Variants in CCDC146 observed in about 807,000 individuals in gnomAD.
CCDC146 encodes coiled-coil domain-containing protein 146.
CCDC146 carries 92 observed loss-of-function variants against 119.3 expected under a neutral mutation model. The ratio of observed to expected loss-of-function variants is 0.77; its 90% CI spans 0.65 to 0.92. CCDC146 has a LOEUF of 0.92. Ranked by LOEUF, CCDC146 falls within the 40% of genes least tolerant of loss-of-function variation. The pLI, the probability that CCDC146 is intolerant of heterozygous loss-of-function variation, is 0.00. For synonymous variants in CCDC146, 372 were observed against 371.8 expected, an observed-to-expected ratio of 1.00 and a Z score of -0.01; for missense variants, 1,000 against 1,103.0, an observed-to-expected ratio of 0.91 and a Z score of 1.32.
In CCDC146 at chr7:77,282,789, G is replaced by A. The variant is rs1477402529; in HGVS notation, c.2148+4G>A. 3.7e-6 allele frequency: 6 copies of A among 1,605,352 alleles called. No homozygotes were observed. Among genetic ancestry groups the A allele is most frequent in the Non-Finnish European group, 4.3e-6 (5 of 1,172,454 alleles). ...CCTAGCTGTGCTCCAAATTCAGGTG[G>A]GTGAGTGATCACGGGACACTTCCTC... On this transcript the variant is annotated splice_donor_region_variant and intron_variant, in intron 15 of 18. Coordinates refer to ENST00000285871, the MANE Select transcript of CCDC146 (RefSeq NM_020879.3).
At chr7:77,264,899 A>G (rs57954141) in intron 9 of CCDC146, among the ~76,000 whole-genome samples, 14,112 of 152,202 alleles carry the variant, frequency 0.093, 1,215 homozygotes, top group East Asian at 0.42. Context: ...GAAGATTACA[A>G]CAGTCATCTT....
intron 17 of CCDC146, among the ~76,000 whole-genome samples, chr7:77,291,881 C>T (rs1793950033): frequency 6.6e-6 from 1 of 152,234 alleles, no homozygotes; most frequent in African/African-American, 2.4e-5. Context: ...AAAGTCATTT[C>T]AGATGCAGAA....
At chr7:77,144,848 T>C (rs1790990572) in intron 1 of CCDC146, among the ~76,000 whole-genome samples, 1 of 151,842 alleles carries the variant, frequency 6.6e-6, no homozygotes. Context: ...TTTTCATCGA[T>C]GTTCATCAGG....
Position 77,241,813 on chromosome 7 carries a change from C to G in CCDC146, c.362C>G (p.Ser121Cys). 2 of 1,613,928 alleles carry G rather than the reference C, an allele frequency of 1.2e-6. No homozygotes were observed. Among genetic ancestry groups the G allele is most frequent in the Non-Finnish European group, 1.7e-6 (2 of 1,179,984 alleles). Residue 121 changes from serine (S) to cysteine (C), a missense_variant, in exon 4 of 19, where the codon TCC becomes TGC. Physicochemically the swap from Ser to Cys is moderately radical, Grantham distance 112 (BLOSUM62 -1). Transcript: ENST00000285871. ...NFPEAFSTEV[S>C]KMREQLLKYQ... ...CCAGAAGCATTCTCCACGGAGGTCT[C>G]CAAAATGAGAGAACAACTTCTCAAG...
chr7:77,242,477 G>A (rs149330011), intron 4 of CCDC146: 71 of 698,574 alleles, frequency 1.0e-4, no homozygotes, highest in South Asian at 8.4e-4. Context: ...TTTAGAGGAC[G>A]TCATTTAGTG....
chr7:77,282,597 T>G lies in CCDC146; in HGVS notation c.1960T>G (p.Phe654Val). 1 of 1,612,172 alleles carries G rather than the reference T, an allele frequency of 6.2e-7. No homozygotes were observed. The highest frequency in any genetic ancestry group is 8.5e-7 in the Non-Finnish European group (1 of 1,179,152). ...AGAGCGGGAAGAAGAAATATGCATTTTTTATGAAAAAATAAATATCCAAGA... is the reference window on the plus strand; with the variant it reads ...AGAGCGGGAAGAAGAAATATGCATTGTTTATGAAAAAATAAATATCCAAGA... ...LIEREEEICI[F>V]YEKINIQEKM... Residue 654 changes from phenylalanine to valine, a missense_variant, in exon 15 of 19, where the codon TTT becomes GTT. This residue lies in a region of CCDC146 where 985 missense variants were observed against 1,045.3 expected (regional missense o/e 0.94). Coordinates refer to ENST00000285871, the MANE Select transcript of CCDC146 (RefSeq NM_020879.3).
At chr7:77,154,387 A>G (rs1791149482) in intron 1 of CCDC146, among the ~76,000 whole-genome samples, 1 of 151,802 alleles carries the variant, frequency 6.6e-6, no homozygotes, top group Non-Finnish European at 1.5e-5. Flanking sequence ...TACATGTTCC[A>G]TGTTGGTGTG....
chr7:77,204,018 TAC>T (rs1407166008), intron 2 of CCDC146, among the ~76,000 whole-genome samples: 3 of 149,462 alleles, frequency 2.0e-5, no homozygotes, highest in Non-Finnish European at 4.5e-5. Flanking sequence ...TTTCCCCTAA[TAC>T]AGTTTTTTTT....
chr7:77,244,432 T>C (rs1381738025), intron 4 of CCDC146, among the ~76,000 whole-genome samples: 1 of 152,168 alleles, frequency 6.6e-6, no homozygotes, highest in Non-Finnish European at 1.5e-5. Context: ...CCTGAGCAAC[T>C]TCCAGTCCTG....
intron 1 of CCDC146, among the ~76,000 whole-genome samples, chr7:77,129,246 C>A (rs1790749568): frequency 1.3e-5 from 2 of 152,084 alleles, no homozygotes; most frequent in Non-Finnish European, 2.9e-5. Flanking sequence ...CCCTACCCAC[C>A]CAATTGTCAC....
At chr7:77,273,526 A>G (rs142578620) in intron 9 of CCDC146, among the ~76,000 whole-genome samples, 168 bp from the exon 10 acceptor site, 1 of 151,828 alleles carries the variant, frequency 6.6e-6, no homozygotes, top group Non-Finnish European at 1.5e-5. Flanking sequence ...TTATTTATTT[A>G]TTTATTTATT....
intron 1 of CCDC146, among the ~76,000 whole-genome samples, chr7:77,143,882 T>C (rs1191185851): frequency 6.6e-6 from 1 of 151,858 alleles, no homozygotes; most frequent in Non-Finnish European, 1.5e-5. Flanking sequence ...TGGCTTAGGA[T>C]TGACTTGGCA....
rs565270345 is a variant in CCDC146 at position 77,165,420 on chromosome 7, A to C, written c.-11-2238A>C. ...CATGAGCAGCACAGATAGGCCAGGC[A>C]GCAGTGTGCACATGCACAGGCCTGA... On this transcript the variant is annotated intron_variant, in intron 1 of 18. Transcript: ENST00000285871. Among the ~76,000 whole-genome samples the C allele has an allele frequency of 1.1e-3, 167 of 152,134 alleles. 1 individual carries two copies. Among genetic ancestry groups the C allele is most frequent in the African/African-American group, 3.8e-3 (157 of 41,444 alleles).
intron 2 of CCDC146, among the ~76,000 whole-genome samples, chr7:77,213,962 C>A (rs1792251614): frequency 6.6e-6 from 1 of 152,072 alleles, no homozygotes; most frequent in Non-Finnish European, 1.5e-5. Context: ...AGAATGATTT[C>A]TTTTCCTTTG....
chr7:77,235,533 G>A (rs1792717550), intron 2 of CCDC146, among the ~76,000 whole-genome samples: 1 of 152,204 alleles, frequency 6.6e-6, no homozygotes, highest in Non-Finnish European at 1.5e-5. Flanking sequence ...AGAGTGTGTT[G>A]TGAAAGGAGG....
intron 17 of CCDC146, among the ~76,000 whole-genome samples, chr7:77,290,239 T>A (rs1313824116): frequency 1.1e-5 from 1 of 93,120 alleles, no homozygotes; most frequent in East Asian, 3.8e-4. Context: ...TGTCATGGGG[T>A]GGGGGGAGGG....
chr7:77,292,549 G>A (rs1412767764), intron 17 of CCDC146, among the ~76,000 whole-genome samples: 4 of 150,602 alleles, frequency 2.7e-5, no homozygotes, highest in African/African-American at 9.7e-5. Flanking sequence ...CCTGGGAGGC[G>A]GAGCTTGCAA....
intron 2 of CCDC146, among the ~76,000 whole-genome samples, chr7:77,176,419 T>A (rs1791501080): frequency 6.6e-6 from 1 of 150,816 alleles, no homozygotes; most frequent in African/African-American, 2.5e-5. Context: ...AGTGTCTGAG[T>A]GGATGGAGTG....
chr7:77,144,834 G>T (rs2117427829), intron 1 of CCDC146, among the ~76,000 whole-genome samples: 1 of 151,846 alleles, frequency 6.6e-6, no homozygotes, highest in Middle Eastern at 3.4e-3. Flanking sequence ...TTTTATTGAG[G>T]ATTTTTTCAT....
Sources: allele counts gnomAD v4.1 joint callset (sites outside exome capture counted in the v4.1 genomes callset), GRCh38; gene constraint gnomAD v4.1.1; regional missense constraint gnomAD v4.1.1; transcripts MANE v1.5; gene names NCBI Gene and HGNC (gene_info 2026-07-23, HGNC 2026-07-21).